The following EPB41L5 variants were observed in gnomAD, a reference collection of about 807,000 sequenced individuals.
EPB41L5 encodes erythrocyte membrane protein band 4.1 like 5.
EPB41L5 carries 55 observed loss-of-function variants against 106.6 expected under a neutral mutation model. The observed-to-expected ratio is 0.52, with a 90% CI of 0.42 to 0.65. The LOEUF (loss-of-function observed/expected upper bound fraction) is 0.65, where lower values mean the gene tolerates loss of function less well. EPB41L5 is among the 30% of genes least tolerant of loss of function. The probability of loss-of-function intolerance (pLI) is 0.00; values close to 1 mark genes in which losing one functional copy is unlikely to be tolerated. For missense variants in EPB41L5, 871 were observed against 882.1 expected (o/e 0.99, Z 0.16); for synonymous variants, 297 against 306.7 (o/e 0.97, Z 0.33).
chr2:120,045,999 T>A (rs1340355470), intron 3 of EPB41L5, among the ~76,000 whole-genome samples: 3 of 152,202 alleles, frequency 2.0e-5, no homozygotes, highest in Admixed American at 6.5e-5. Context: ...CATCCTTTTT[T>A]ATGGCTGCAT....
In EPB41L5 at chr2:120,019,217, TG is replaced by T. The variant is rs751306246; in HGVS notation, c.134del (p.Cys45PhefsTer34). On this transcript the variant is annotated frameshift_variant, in exon 2 of 25. Transcript: ENST00000263713. LOFTEE classifies it high-confidence loss of function. ...AAGDSKSIIT[C>X]RVSLLDGTDV... is the part of the protein sequence containing the mutation. ...TGGAGATTCTAAGTCCATCATCACG[TG>T]TCGGGTGTCCCTTCTGGATGGTACT... The T allele has an allele frequency of 3.1e-6, 5 of 1,614,022 alleles. No homozygotes were observed. Among genetic ancestry groups the T allele is most frequent in the Non-Finnish European group, 2.5e-6 (3 of 1,180,012 alleles).
chr2:120,111,873 A>G (rs7568721), intron 16 of EPB41L5, among the ~76,000 whole-genome samples: 96,696 of 151,908 alleles, frequency 0.64, 32,122 homozygotes, highest in Middle Eastern at 0.74. Flanking sequence ...TTTATCTTCT[A>G]TCAATCCTGA....
At chr2:120,087,826 C>T (rs1683163562) in intron 11 of EPB41L5, among the ~76,000 whole-genome samples, 1 of 151,990 alleles carries the variant, frequency 6.6e-6, no homozygotes, top group Middle Eastern at 3.2e-3. Context: ...AAAGATCTAC[C>T]TAATAATAAT....
intron 2 of EPB41L5, among the ~76,000 whole-genome samples, chr2:120,029,836 A>G (rs1033796787): frequency 1.3e-5 from 2 of 152,196 alleles, no homozygotes; most frequent in African/African-American, 2.4e-5. Context: ...CCCTGCCTGC[A>G]TGCATACACT....
chr2:120,051,418 A>G (rs370433876), intron 3 of EPB41L5, among the ~76,000 whole-genome samples: 195 of 152,244 alleles, frequency 1.3e-3, no homozygotes, highest in African/African-American at 4.5e-3. Context: ...TGTGCTAGCA[A>G]TGAGTGAGGA....
At chr2:120,108,791 G>A (rs962722244) in intron 16 of EPB41L5, among the ~76,000 whole-genome samples, 8 of 152,088 alleles carry the variant, frequency 5.3e-5, no homozygotes, top group Admixed American at 2.0e-4. Flanking sequence ...TTAATAACTC[G>A]CATTAAATCT....
intron 3 of EPB41L5, among the ~76,000 whole-genome samples, chr2:120,055,510 A>G (rs1680588850): frequency 9.4e-6 from 1 of 105,954 alleles, no homozygotes; most frequent in East Asian, 2.8e-4. Context: ...TTTTTTTGAG[A>G]CAGAGTCTTG....
At chr2:120,135,765 A>G (rs1432434594) in intron 18 of EPB41L5, among the ~76,000 whole-genome samples, 3 of 152,222 alleles carry the variant, frequency 2.0e-5, no homozygotes, top group African/African-American at 7.2e-5. Flanking sequence ...CCCTTCAAAC[A>G]TGAAGGAGAA....
intron 16 of EPB41L5, chr2:120,104,850 T>G (rs1684356920): frequency 1.0e-6 from 1 of 970,044 alleles, no homozygotes; most frequent in Admixed American, 6.2e-5. Flanking sequence ...ATTAATAATG[T>G]GGCTCATGTA....
intron 2 of EPB41L5, among the ~76,000 whole-genome samples, chr2:120,029,033 G>A (rs1030178513): frequency 5.9e-5 from 9 of 152,150 alleles, no homozygotes; most frequent in Non-Finnish European, 1.2e-4. Context: ...AAGGGAAAAC[G>A]CAGGATTGCT....
chr2:120,020,740 C>A (rs529706700), intron 2 of EPB41L5, among the ~76,000 whole-genome samples: 1 of 151,078 alleles, frequency 6.6e-6, no homozygotes. Context: ...AAAGAAATTT[C>A]TTATTACCTA....
intron 23 of EPB41L5, 135 bp from the exon 24 acceptor site, chr2:120,167,742 A>G: frequency 8.3e-7 from 1 of 1,212,054 alleles, no homozygotes; most frequent in South Asian, 1.4e-5. Flanking sequence ...GTTAAGAAAA[A>G]CAAAACAAAC....
At chr2:120,066,098 T>TG (rs1027471623) in intron 3 of EPB41L5, among the ~76,000 whole-genome samples, 7 of 151,766 alleles carry the variant, frequency 4.6e-5, no homozygotes, top group African/African-American at 1.7e-4. Flanking sequence ...GGGCAGAGAC[T>TG]GGGGGGAACT....
intron 24 of EPB41L5, among the ~76,000 whole-genome samples, chr2:120,171,065 G>A (rs1306926551): frequency 2.0e-5 from 3 of 152,160 alleles, no homozygotes; most frequent in Non-Finnish European, 2.9e-5. Flanking sequence ...GATTTACTTT[G>A]CAGCGTTCTC....
chr2:120,090,011 G>A (rs1444732263), intron 11 of EPB41L5, among the ~76,000 whole-genome samples: 2 of 151,802 alleles, frequency 1.3e-5, no homozygotes. Flanking sequence ...GCATTTTTAG[G>A]GCTGTTGATG....
At chr2:120,037,191 C>T (rs576164184) in intron 2 of EPB41L5, among the ~76,000 whole-genome samples, 1 of 151,954 alleles carries the variant, frequency 6.6e-6, no homozygotes, top group African/African-American at 2.4e-5. Flanking sequence ...GAATAAAATG[C>T]TTAGGAATAA....
chr2:120,059,738 A>G (rs1680898876), intron 3 of EPB41L5, among the ~76,000 whole-genome samples: 1 of 151,614 alleles, frequency 6.6e-6, no homozygotes, highest in African/African-American at 2.4e-5. Flanking sequence ...CCTTGTCTCT[A>G]CAAAAAAAAA....
At chr2:120,160,659 A>G in intron 20 of EPB41L5, 1 of 496,544 alleles carries the variant, frequency 2.0e-6, no homozygotes. Flanking sequence ...CCTCACCAGC[A>G]TCTGTTATTG....
chr2:120,131,347 C>T (rs1272476115), intron 17 of EPB41L5, among the ~76,000 whole-genome samples: 2 of 152,150 alleles, frequency 1.3e-5, no homozygotes, highest in African/African-American at 2.4e-5. Context: ...CCTTCTTAAC[C>T]ACACATGCTA....
Sources: allele counts gnomAD v4.1 joint callset (sites outside exome capture counted in the v4.1 genomes callset), GRCh38; gene constraint gnomAD v4.1.1; transcripts MANE v1.5; gene names NCBI Gene and HGNC (gene_info 2026-07-23, HGNC 2026-07-21).